The following TMEM266 variants were observed in gnomAD, a reference collection of about 807,000 sequenced individuals.
TMEM266 encodes the protein Hv1 related protein 1.
In TMEM266, 33 loss-of-function variants were observed where a neutral mutation model predicts 50.5. The observed-to-expected ratio is 0.65, with a 90% confidence interval of 0.50 to 0.87. The LOEUF is 0.87. Ranked by LOEUF, TMEM266 falls within the 40% of genes least tolerant of loss-of-function variation. The probability of loss-of-function intolerance (pLI) is 0.00; values close to 1 mark genes in which losing one functional copy is unlikely to be tolerated. For synonymous variants in TMEM266, 310 were observed against 292.3 expected (o/e 1.06, Z -0.62); for missense variants, 655 against 695.1 (o/e 0.94, Z 0.65).
chr15:76,191,857 C>A, intron 8 of TMEM266, 111 bp from the exon 9 acceptor site: 1 of 1,004,024 alleles, frequency 1.0e-6, no homozygotes, highest in Non-Finnish European at 1.4e-6. Flanking sequence ...GGAGGCTCAG[C>A]CCAGTCCTCC....
chr15:76,088,386 G>A (rs914660176), intron 1 of TMEM266, among the ~76,000 whole-genome samples: 1 of 152,182 alleles, frequency 6.6e-6, no homozygotes, highest in Non-Finnish European at 1.5e-5. Flanking sequence ...AGGCATAGTG[G>A]CTCACACCTA....
At chr15:76,092,712 A>G (rs1198354172) in intron 1 of TMEM266, among the ~76,000 whole-genome samples, 1 of 151,646 alleles carries the variant, frequency 6.6e-6, no homozygotes, top group African/African-American at 2.4e-5. Context: ...TAAATAATAT[A>G]GCTAATAGTC....
Position 76,160,996 on chromosome 15 carries a change from G to A in TMEM266, c.456+828G>A, listed in dbSNP as rs554799086. 6.6e-6 allele frequency among the ~76,000 whole-genome samples: 1 copy of A among 152,154 alleles called. No homozygotes were observed. Among genetic ancestry groups the A allele is most frequent in the African/African-American group, 2.4e-5 (1 of 41,450 alleles). ...ATCTGGGTGTGGGAGGAATTGGCTT[G>A]GTCCTGCTGCAGGCAGGGTTTTATC... On this transcript the variant is annotated intron_variant, in intron 5 of 10. Coordinates refer to ENST00000388942, the MANE Select transcript of TMEM266 (RefSeq NM_152335.3). The surrounding 1 kb of genome is among the most constrained non-coding windows in gnomAD (Gnocchi z 5.7).
chr15:76,119,367 C>A (rs2959824), intron 1 of TMEM266, among the ~76,000 whole-genome samples: 6,292 of 127,088 alleles, frequency 0.05, 454 homozygotes, highest in African/African-American at 0.17. Flanking sequence ...CTATTGGTTT[C>A]GTTTAGGGGG....
intron 1 of TMEM266, among the ~76,000 whole-genome samples, chr15:76,114,806 G>A (rs900687399): frequency 2.6e-5 from 4 of 152,004 alleles, no homozygotes; most frequent in Non-Finnish European, 5.9e-5. Flanking sequence ...CACCCCACAA[G>A]GAAACCCCAT....
At chr15:76,105,041 T>G (rs1029386131) in intron 1 of TMEM266, among the ~76,000 whole-genome samples, 4 of 151,024 alleles carry the variant, frequency 2.6e-5, no homozygotes, top group African/African-American at 9.8e-5. Flanking sequence ...TAGAATAGAG[T>G]TCAAGACCAG....
rs761306701 is a variant in TMEM266, at chr15:76,203,945, T to C, written c.1226T>C (p.Met409Thr). ...AGCAGCCAGACGCTGGGCTCCTCCA[T>C]GGACTGCAGCACTGCCCGCGAGGAG... Residue 409 changes from methionine to threonine, a missense_variant, in exon 11 of 11, where the codon ATG (methionine) becomes ACG (threonine). This residue lies in a region of TMEM266 where 455 missense variants were observed against 401.8 expected (regional missense o/e 1.13). Transcript: ENST00000388942. The C allele has an allele frequency of 2.5e-6, 4 of 1,613,788 alleles. No individual in the cohort carries two copies. The African/African-American group carries it at 4.0e-5, about 16-fold the overall frequency.
rs1218085210 is a variant in TMEM266 at position 76,160,708 on chromosome 15, C to G, written c.456+540C>G. ...TCTGACAGGGCCGAAAGATGTGCCT[C>G]TCAGTGTGAGTGCGAGGCTGTATTT... On this transcript the variant is annotated intron_variant, in intron 5 of 10. Coordinates refer to ENST00000388942, the MANE Select transcript of TMEM266 (RefSeq NM_152335.3). The surrounding 1 kb of genome is among the most constrained non-coding windows in gnomAD (Gnocchi z 5.7). Among the ~76,000 whole-genome samples the G allele has an allele frequency of 6.6e-6, 1 of 152,178 alleles. No individual in the cohort carries two copies. The highest frequency in any genetic ancestry group is 1.5e-5 in the Non-Finnish European group (1 of 68,024).
At chr15:76,203,380 T>TA (rs1399856629) in intron 10 of TMEM266, among the ~76,000 whole-genome samples, 1 of 152,204 alleles carries the variant, frequency 6.6e-6, no homozygotes, top group Non-Finnish European at 1.5e-5. Context: ...TCATCACTGT[T>TA]ACTCCAGCAC....
intron 1 of TMEM266, among the ~76,000 whole-genome samples, chr15:76,060,377 G>A (rs2036276833): frequency 6.6e-6 from 1 of 151,254 alleles, no homozygotes; most frequent in African/African-American, 2.4e-5. Flanking sequence ...GGTTGCTGCT[G>A]GGGGGAATCC....
At chr15:76,183,904 G>A (rs1463612535) in intron 8 of TMEM266, among the ~76,000 whole-genome samples, 6 of 152,214 alleles carry the variant, frequency 3.9e-5, no homozygotes, top group Admixed American at 3.9e-4. Context: ...AGGAACCGGA[G>A]CAGACGTGGG....
At chr15:76,093,563 G>T (rs2036882825) in intron 1 of TMEM266, among the ~76,000 whole-genome samples, 1 of 151,908 alleles carries the variant, frequency 6.6e-6, no homozygotes, top group Non-Finnish European at 1.5e-5. Flanking sequence ...GAATAGTGCT[G>T]CAATAAACAT....
intron 3 of TMEM266, among the ~76,000 whole-genome samples, chr15:76,147,919 G>C (rs929759860): frequency 6.6e-6 from 1 of 152,182 alleles, no homozygotes; most frequent in African/African-American, 2.4e-5. Flanking sequence ...CAGCTTCTCA[G>C]GATTGCACCA....
chr15:76,080,538 C>T (rs911524011), intron 1 of TMEM266, among the ~76,000 whole-genome samples: 3 of 151,268 alleles, frequency 2.0e-5, no homozygotes, highest in Non-Finnish European at 3.0e-5. Flanking sequence ...CGTGAGCCAC[C>T]GTGCCCTGCC....
chr15:76,191,385 G>A (rs1436700821), intron 8 of TMEM266: 1 of 152,300 alleles, frequency 6.6e-6, no homozygotes. Flanking sequence ...ACTTAGGCTG[G>A]AGAGGTGACG....
chr15:76,158,224 TCAGAGAGCGTGGACGGTGAGCA>T (rs2037957217), intron 4 of TMEM266, among the ~76,000 whole-genome samples: 3 of 152,232 alleles, frequency 2.0e-5, no homozygotes, highest in Non-Finnish European at 4.4e-5. Flanking sequence ...CTCTGCTCTC[TCAGAGAGCGTGGACGGTGAGCA>T]CAGAATTGCT....
At position 76,171,680 on chromosome 15, in the gene TMEM266, G is replaced by GCTT. The variant is rs2038191356; in HGVS notation, c.652+552_652+554dup. On this transcript the variant is annotated intron_variant, in intron 7 of 10. Transcript: ENST00000388942. ...TGGCAGGGGCTGGCTTTTGGCATGTGCTTCTGTCATCTTTAGTGACGTGCC... is the reference window on the plus strand; with the variant it reads ...TGGCAGGGGCTGGCTTTTGGCATGTGCTTCTTCTGTCATCTTTAGTGACGTGCC... Among the ~76,000 whole-genome samples the GCTT allele has an allele frequency of 1.3e-5, 2 of 152,238 alleles. 1 individual carries two copies. The highest frequency in any genetic ancestry group is 1.3e-4 in the Admixed American group (2 of 15,288).
At chr15:76,199,719 GA>G (rs1420572227) in intron 9 of TMEM266, among the ~76,000 whole-genome samples, 1 of 151,978 alleles carries the variant, frequency 6.6e-6, no homozygotes, top group Admixed American at 6.6e-5. Flanking sequence ...ATCAGTGTGT[GA>G]AGTGCGGACC....
At chr15:76,097,001 G>A (rs568430089) in intron 1 of TMEM266, among the ~76,000 whole-genome samples, 1 of 133,662 alleles carries the variant, frequency 7.5e-6, no homozygotes, top group Non-Finnish European at 1.6e-5. Context: ...TTGAGCCTAT[G>A]TGTGTCTTTG....
Sources: allele counts gnomAD v4.1 joint callset (sites outside exome capture counted in the v4.1 genomes callset), GRCh38; gene constraint gnomAD v4.1.1; regional missense constraint gnomAD v4.1.1; non-coding constraint Gnocchi (gnomAD v3.1); transcripts MANE v1.5; gene names NCBI Gene and HGNC (gene_info 2026-07-23, HGNC 2026-07-21).